The following SGCD variants were observed in gnomAD, a reference collection of about 807,000 sequenced individuals.
The protein encoded by SGCD is delta-sarcoglycan.
SGCD carries 18 observed loss-of-function variants against 36.6 expected under a neutral mutation model. That is an observed-to-expected ratio of 0.49 (90% CI 0.34 to 0.73). The LOEUF (loss-of-function observed/expected upper bound fraction) is 0.73. Ranked by LOEUF, SGCD falls within the 30% of genes least tolerant of loss-of-function variation. The probability of loss-of-function intolerance (pLI) is 0.01; values close to 1 mark genes in which losing one functional copy is unlikely to be tolerated. For missense variants in SGCD, 387 were observed against 346.7 expected, an observed-to-expected ratio of 1.12 and a Z score of -0.92; for synonymous variants, 133 against 130.6, an observed-to-expected ratio of 1.02 and a Z score of -0.12.
chr5:156,180,384 TAAA>T (rs1191628160), intron 3 of SGCD, among the ~76,000 whole-genome samples: 1 of 145,222 alleles, frequency 6.9e-6, no homozygotes, highest in Non-Finnish European at 1.5e-5. Context: ...TAAATTAAAA[TAAA>T]AAACATAAGA....
chr5:155,984,026 T>C (rs1758280662), intron 1 of SGCD, among the ~76,000 whole-genome samples: 2 of 152,208 alleles, frequency 1.3e-5, no homozygotes, highest in Admixed American at 1.3e-4. Context: ...TTTGCATGAC[T>C]CTTACTTCTA....
chr5:156,086,725 G>T (rs1235360653), intron 1 of SGCD, among the ~76,000 whole-genome samples: 1 of 152,136 alleles, frequency 6.6e-6, no homozygotes, highest in Non-Finnish European at 1.5e-5. Flanking sequence ...AGGGAAACAT[G>T]GTGCAAGGGG....
intron 1 of SGCD, among the ~76,000 whole-genome samples, chr5:155,936,737 C>T (rs747837045): frequency 3.3e-5 from 5 of 152,168 alleles, no homozygotes; most frequent in Non-Finnish European, 7.4e-5. Flanking sequence ...ACTAGGGACG[C>T]GCCCCCTTTT....
At chr5:155,734,116 A>G in the SGCD span, among the ~76,000 whole-genome samples, 14 of 147,332 alleles carry the variant, frequency 9.5e-5, no homozygotes, top group African/African-American at 2.5e-5. Context: ...TATATTAATT[A>G]ATATTGTTAC....
At chr5:156,131,501 T>C (rs1255538219) in intron 3 of SGCD, among the ~76,000 whole-genome samples, 5 of 152,380 alleles carry the variant, frequency 3.3e-5, no homozygotes, top group African/African-American at 9.6e-5. Flanking sequence ...AGAGATTATA[T>C]GAACAATGAC....
intron 3 of SGCD, among the ~76,000 whole-genome samples, chr5:156,429,231 A>C (rs78674996): frequency 0.057 from 8,458 of 148,504 alleles, 779 homozygotes; most frequent in African/African-American, 0.2. Flanking sequence ...CTGTTGGACA[A>C]ATTTTTTAAT....
chr5:155,993,541 C>T (rs550200323), intron 1 of SGCD, among the ~76,000 whole-genome samples: 62 of 152,054 alleles, frequency 4.1e-4, no homozygotes, highest in Non-Finnish European at 7.5e-4. Context: ...GATGGAGTTT[C>T]GCTACATTGG....
chr5:156,391,492 G>A (rs1255823842), intron 3 of SGCD, among the ~76,000 whole-genome samples: 1 of 152,170 alleles, frequency 6.6e-6, no homozygotes, highest in African/African-American at 2.4e-5. Context: ...AAAAGAAAAA[G>A]GATAGTTGCA....
intron 1 of SGCD, among the ~76,000 whole-genome samples, chr5:155,950,016 G>C (rs1757519131): frequency 6.6e-6 from 1 of 152,102 alleles, no homozygotes; most frequent in Non-Finnish European, 1.5e-5. Flanking sequence ...CTAAACCCAG[G>C]TCTGATATCA....
At chr5:156,719,375 T>TA (rs1755378021) in intron 7 of SGCD, among the ~76,000 whole-genome samples, 1 of 150,454 alleles carries the variant, frequency 6.6e-6, no homozygotes, top group Non-Finnish European at 1.5e-5. Flanking sequence ...TCATCATATA[T>TA]TATAGATATA....
At chr5:156,425,553 G>A (rs997612600) in intron 3 of SGCD, among the ~76,000 whole-genome samples, 1 of 151,790 alleles carries the variant, frequency 6.6e-6, no homozygotes, top group Admixed American at 6.6e-5. Context: ...CTACTTGGAT[G>A]ACGGGTTTTT....
chr5:155,868,671 A>T (rs111542887), upstream of SGCD, among the ~76,000 whole-genome samples: 2 of 152,164 alleles, frequency 1.3e-5, no homozygotes, highest in Non-Finnish European at 2.9e-5. Flanking sequence ...AAAGAAAAAA[A>T]CAAAAATGGC....
chr5:155,823,062 A>ATATCTCTATATCTATCTATCTATCTATC, the SGCD span, among the ~76,000 whole-genome samples: 4 of 145,172 alleles, frequency 2.8e-5, no homozygotes, highest in African/African-American at 5.2e-5. Flanking sequence ...CTATATCTCT[A>ATATCTCTATATCTATCTATCTATCTATC]TATCTATCTA....
chr5:156,597,995 G>T (rs1363843087), intron 6 of SGCD, among the ~76,000 whole-genome samples: 2 of 152,100 alleles, frequency 1.3e-5, no homozygotes, highest in Non-Finnish European at 2.9e-5. Flanking sequence ...TATACTTGCT[G>T]TGGCCTCTAT....
intron 7 of SGCD, among the ~76,000 whole-genome samples, chr5:156,756,878 G>A (rs911121074): frequency 2.0e-5 from 3 of 152,146 alleles, no homozygotes; most frequent in Admixed American, 1.3e-4. Context: ...TCTCTGCAGT[G>A]CAGAAATGAC....
chr5:156,590,937 G>C, intron 5 of SGCD, among the ~76,000 whole-genome samples: 1 of 149,904 alleles, frequency 6.7e-6, no homozygotes, highest in Non-Finnish European at 1.5e-5. Flanking sequence ...CCCTCCTCCT[G>C]TGTCACTATT....
chr5:155,916,917 CT>C (rs1756755736), intron 1 of SGCD, among the ~76,000 whole-genome samples: 1 of 152,174 alleles, frequency 6.6e-6, no homozygotes, highest in African/African-American at 2.4e-5. Flanking sequence ...AGCCATTTGC[CT>C]AAGATTACCC....
At chr5:156,376,540 A>G (rs1770679593) in intron 3 of SGCD, among the ~76,000 whole-genome samples, 2 of 152,232 alleles carry the variant, frequency 1.3e-5, no homozygotes, top group African/African-American at 2.4e-5. Context: ...GTTATCTCAC[A>G]TTGACCCTAA....
At position 156,749,554 on chromosome 5, in the gene SGCD, AAGAC is replaced by A. The variant is rs1480322347; in HGVS notation, c.576-8020_576-8017del. The stretch of plus-strand genomic sequence containing the variant: ...TGAAAAAAATATGTGGGACAAAAAA[AAGAC>A]AGACAGCTACAAACGCAGGGGGCAT... On this transcript the variant is annotated intron_variant, in intron 7 of 8. Transcript: ENST00000337851. 7.2e-5 allele frequency among the ~76,000 whole-genome samples: 11 copies of A among 152,308 alleles called. No homozygotes were observed. The South Asian group carries it at 1.0e-3, about 14-fold the overall frequency.
Sources: gnomAD v4.1 joint callset for allele counts (sites outside exome capture counted in the v4.1 genomes callset) on GRCh38, gnomAD v4.1.1 for gene constraint, MANE v1.5 for transcripts, NCBI Gene and HGNC (gene_info 2026-07-23, HGNC 2026-07-21) for gene names.